The following UGT1A8 variants were observed in gnomAD, a reference collection of about 807,000 sequenced individuals.
UGT1A8 encodes UDP glucuronosyltransferase family 1 member A8.
A neutral mutation model predicts 45.3 loss-of-function variants in UGT1A8; 39 were observed. The ratio of observed to expected loss-of-function variants is 0.86; its 90% CI spans 0.67 to 1.12. UGT1A8 has a LOEUF of 1.12. Among genes scored for constraint, UGT1A8 ranks in the 50% most tolerant of loss-of-function variants. The pLI, the probability that UGT1A8 is intolerant of heterozygous loss-of-function variation, is 0.00. For synonymous variants in UGT1A8, 275 were observed against 249.2 expected (o/e 1.10, Z -0.97); for missense variants, 719 against 664.9 (o/e 1.08, Z -0.90).
At position 233,772,766 on chromosome 2, in the gene UGT1A8, C is replaced by T. The variant is rs910513508; in HGVS notation, c.*207C>T. 4 of 1,374,588 alleles carry T rather than the reference C, an allele frequency of 2.9e-6. No individual in the cohort carries two copies. Among genetic ancestry groups the T allele is most frequent in the Non-Finnish European group, 3.8e-6 (4 of 1,047,350 alleles). 85.1% of individuals were successfully genotyped at this position (1,374,588 alleles called of 1,614,324 possible). ...AGATATTTGAATATGTATCGTGCCC[C>T]CTCTGGTGTCTTTGATCAGGATGAC... On this transcript the variant is annotated 3_prime_UTR_variant, in exon 5 of 5. Transcript: ENST00000373450.
intron 1 of UGT1A8, among the ~76,000 whole-genome samples, chr2:233,657,180 C>T (rs2125483692): frequency 6.6e-6 from 1 of 152,276 alleles, no homozygotes; most frequent in Non-Finnish European, 1.5e-5. Flanking sequence ...TATCAAGGTC[C>T]CCCATCATCT....
chr2:233,632,070 A>C (rs1016338861), intron 1 of UGT1A8, among the ~76,000 whole-genome samples: 1 of 152,186 alleles, frequency 6.6e-6, no homozygotes, highest in Admixed American at 6.5e-5. Context: ...CAGTTTTCCC[A>C]ACACCATTTA....
chr2:233,682,698 G>T (rs144940363), intron 1 of UGT1A8: 1 of 1,613,794 alleles, frequency 6.2e-7, no homozygotes, highest in Non-Finnish European at 8.5e-7. Flanking sequence ...TGGTTGTTGC[G>T]AACTGACTTT....
chr2:233,750,363 A>C (rs1694437440), intron 1 of UGT1A8, among the ~76,000 whole-genome samples: 1 of 151,980 alleles, frequency 6.6e-6, no homozygotes, highest in African/African-American at 2.4e-5. Context: ...TATGTTTAAA[A>C]GGGAAGCAGA....
chr2:233,651,888 A>T (rs527907817), intron 1 of UGT1A8, among the ~76,000 whole-genome samples: 1 of 152,300 alleles, frequency 6.6e-6, no homozygotes. Context: ...CAGTAGCAAA[A>T]ACTCATTGAG....
chr2:233,702,042 A>T (rs1306276715), intron 1 of UGT1A8, among the ~76,000 whole-genome samples: 3 of 152,222 alleles, frequency 2.0e-5, no homozygotes, highest in South Asian at 2.1e-4. Context: ...CCCTTCAAAA[A>T]ATTAACAATT....
chr2:233,650,487 A>G (rs1003478240), intron 1 of UGT1A8, among the ~76,000 whole-genome samples: 1 of 152,206 alleles, frequency 6.6e-6, no homozygotes, highest in Non-Finnish European at 1.5e-5. Context: ...CATGAGCAAG[A>G]TGAATTGTTT....
rs528884709 is a variant in UGT1A8, at chr2:233,723,430, G to A, written c.856-43604G>A. Among the ~76,000 whole-genome samples the A allele has an allele frequency of 9.0e-5, 12 of 133,776 alleles. 1 individual carries two copies. In the South Asian group the frequency reaches 1.7e-3, roughly 19 times the overall value. 87.8% of individuals were successfully genotyped at this position (133,776 alleles called of 152,430 possible). On this transcript the variant is annotated intron_variant, in intron 1 of 4. Coordinates refer to ENST00000373450, the MANE Select transcript of UGT1A8 (RefSeq NM_019076.5). ...TCACCATACTGGTCAGGCTGGTCTC[G>A]AACTCCTGACCTCAGGTGATCCACC...
intron 1 of UGT1A8, among the ~76,000 whole-genome samples, chr2:233,633,442 G>A (rs372269008): frequency 6.6e-6 from 1 of 152,064 alleles, no homozygotes; most frequent in African/African-American, 2.4e-5. Flanking sequence ...TCTGGTCCTG[G>A]GTGTTTTTGG....
At chr2:233,660,706 C>G (rs1011571835) in intron 1 of UGT1A8, among the ~76,000 whole-genome samples, 2 of 152,084 alleles carry the variant, frequency 1.3e-5, no homozygotes, top group Admixed American at 6.6e-5. Context: ...TCCTCGTGCC[C>G]GCTTCTCTTC....
At chr2:233,638,220 A>T (rs191784269) in intron 1 of UGT1A8, among the ~76,000 whole-genome samples, 79 of 152,268 alleles carry the variant, frequency 5.2e-4, no homozygotes, top group Non-Finnish European at 8.2e-4. Context: ...ATAAATAAAA[A>T]TTTTCACTAT....
At chr2:233,677,156 T>G (rs1257953543) in intron 1 of UGT1A8, among the ~76,000 whole-genome samples, 1 of 152,240 alleles carries the variant, frequency 6.6e-6, no homozygotes, top group Non-Finnish European at 1.5e-5. Context: ...CTTAGCAATT[T>G]TGAGTTTTCC....
Position 233,767,954 on chromosome 2 carries a change from G to A in UGT1A8, c.1075+18G>A, listed in dbSNP as rs770382182. On this transcript the variant is annotated intron_variant, in intron 3 of 4. Transcript: ENST00000373450. ...TCTGCTTGGTATGTTGGGCGGATTG[G>A]ATGTATAGGTCAAACCAGGGTCAAA... 1.9e-5 allele frequency: 30 copies of A among 1,614,036 alleles called. No homozygotes were observed. The highest frequency in any genetic ancestry group is 2.5e-6 in the Non-Finnish European group (3 of 1,180,050).
intron 1 of UGT1A8, among the ~76,000 whole-genome samples, chr2:233,648,596 G>C (rs766631550): frequency 1.9e-4 from 29 of 150,798 alleles, no homozygotes; most frequent in Non-Finnish European, 3.5e-4. Flanking sequence ...AAGTAGCTGG[G>C]ACTACAGGTG....
intron 1 of UGT1A8, among the ~76,000 whole-genome samples, chr2:233,726,606 T>C (rs1453810186): frequency 1.3e-5 from 2 of 152,194 alleles, no homozygotes; most frequent in Admixed American, 6.5e-5. Flanking sequence ...GTGATTACAC[T>C]GTCCTGCCCA....
In UGT1A8 at chr2:233,618,128, T is replaced by G; in HGVS notation, c.421T>G (p.Ser141Ala). ...ATTAGTAGAATACTTAAAGGAGAGT[T>G]CTTTTGATGCGGTGTTTCTTGATCC... ...RKLVEYLKES[S>A]FDAVFLDPFD... The change falls in exon 1 of 5, where the codon TCT becomes GCT. Residue 141 changes from serine (S) to alanine (A), a missense_variant. Coordinates refer to ENST00000373450, the MANE Select transcript of UGT1A8 (RefSeq NM_019076.5). The G allele has an allele frequency of 6.2e-7, 1 of 1,614,162 alleles. No individual in the cohort carries two copies. The highest frequency in any genetic ancestry group is 8.5e-7 in the Non-Finnish European group (1 of 1,180,040).
chr2:233,759,291 G>A (rs2003569), intron 1 of UGT1A8, among the ~76,000 whole-genome samples: 24,209 of 152,142 alleles, frequency 0.16, 2,312 homozygotes, highest in African/African-American at 0.25. Flanking sequence ...TGATGAAGCT[G>A]AGCCCTGAGT....
At chr2:233,705,912 A>C (rs2075878682) in intron 1 of UGT1A8, among the ~76,000 whole-genome samples, 1 of 152,094 alleles carries the variant, frequency 6.6e-6, no homozygotes, top group Non-Finnish European at 1.5e-5. Context: ...AAATAGTGAA[A>C]CTCCTTCTCT....
chr2:233,715,759 G>A (rs893076228), intron 1 of UGT1A8, among the ~76,000 whole-genome samples: 9 of 152,150 alleles, frequency 5.9e-5, no homozygotes, highest in South Asian at 2.1e-4. Context: ...GTGACAGAGC[G>A]AGGACCCATC....
Sources: allele counts gnomAD v4.1 joint callset (sites outside exome capture counted in the v4.1 genomes callset), GRCh38; gene constraint gnomAD v4.1.1; transcripts MANE v1.5; gene names NCBI Gene and HGNC (gene_info 2026-07-23, HGNC 2026-07-21).